DNAH6: variants seen among roughly 807,000 people sequenced by gnomAD.
The protein encoded by DNAH6 is axonemal beta dynein heavy chain 6.
DNAH6 carries 340 observed loss-of-function variants against 491.4 expected under a neutral mutation model. The ratio of observed to expected loss-of-function variants is 0.69; its 90% CI spans 0.63 to 0.76. The LOEUF is 0.76. Among genes scored for constraint, DNAH6 ranks in the 30% least tolerant of loss-of-function variants. The probability of loss-of-function intolerance (pLI) is 0.00; values close to 1 mark genes in which losing one functional copy is unlikely to be tolerated. For synonymous variants in DNAH6, 1,603 were observed against 1,686.1 expected (o/e 0.95, Z 1.21); for missense variants, 4,443 against 4,972.2 (o/e 0.89, Z 3.20).
At chr2:84,792,693 C>T (rs188537324) in intron 68 of DNAH6, among the ~76,000 whole-genome samples, 1 of 152,258 alleles carries the variant, frequency 6.6e-6, no homozygotes, top group East Asian at 1.9e-4. Flanking sequence ...GGGGGCATAT[C>T]CTGAAAGGCC....
At chr2:84,599,233 T>C (rs111302552) in intron 18 of DNAH6, among the ~76,000 whole-genome samples, 4,705 of 44,754 alleles carry the variant, frequency 0.11, 74 homozygotes, top group East Asian at 0.37. Flanking sequence ...AAAAGTTTTT[T>C]TTCAGATATG....
intron 10 of DNAH6, among the ~76,000 whole-genome samples, chr2:84,553,926 C>T (rs932553635): frequency 5.3e-5 from 8 of 152,176 alleles, no homozygotes; most frequent in Admixed American, 5.2e-4. Flanking sequence ...AGGAGCTTCA[C>T]TGGCTACTCA....
intron 33 of DNAH6, among the ~76,000 whole-genome samples, chr2:84,651,430 T>C (rs970582970): frequency 2.0e-5 from 3 of 152,220 alleles, no homozygotes; most frequent in Non-Finnish European, 4.4e-5. Flanking sequence ...GGCTCCGCAC[T>C]CAGTGTCTGC....
At chr2:84,707,998 C>G (rs903674120) in intron 54 of DNAH6, among the ~76,000 whole-genome samples, 2 of 152,130 alleles carry the variant, frequency 1.3e-5, no homozygotes, top group African/African-American at 4.8e-5. Context: ...ACAGTGAGTC[C>G]CCTACCCTTA....
intron 59 of DNAH6, among the ~76,000 whole-genome samples, chr2:84,721,262 T>C (rs1279009854): frequency 6.6e-6 from 1 of 152,214 alleles, no homozygotes; most frequent in Non-Finnish European, 1.5e-5. Context: ...TATCAACTTT[T>C]TTTTTCTACT....
intron 68 of DNAH6, among the ~76,000 whole-genome samples, chr2:84,787,519 A>G (rs1387812479): frequency 6.9e-6 from 1 of 144,088 alleles, no homozygotes; most frequent in Non-Finnish European, 1.5e-5. Context: ...TGCTTTCTCA[A>G]TAATAATAAT....
Position 84,594,092 on chromosome 2 carries a change from GA to G in DNAH6, c.2724+13del. ...CCAACAAGAATGGTTAAAGGTAGGG[GA>G]AAAAAGCCTTCAGTTCTCAAATTAT... On this transcript the variant is annotated splice_region_variant and intron_variant, in intron 17 of 76. Transcript: ENST00000389394. 4.2e-6 allele frequency: 6 copies of G among 1,412,678 alleles called. No individual in the cohort carries two copies. The highest frequency in any genetic ancestry group is 5.8e-6 in the Non-Finnish European group (6 of 1,032,626). 87.5% of individuals were successfully genotyped at this position (1,412,678 alleles called of 1,614,324 possible). A position where few individuals can be genotyped will look rare whatever the true frequency, so the allele number is the denominator to read the frequency against.
At chr2:84,789,862 G>C (rs1036576418) in intron 68 of DNAH6, among the ~76,000 whole-genome samples, 1 of 151,956 alleles carries the variant, frequency 6.6e-6, no homozygotes, top group African/African-American at 2.4e-5. Context: ...TGACTTCTGT[G>C]CTTCCTAATA....
At chr2:84,561,134 T>G (rs1392376989) in intron 11 of DNAH6, among the ~76,000 whole-genome samples, 1 of 152,084 alleles carries the variant, frequency 6.6e-6, no homozygotes, top group Non-Finnish European at 1.5e-5. Context: ...GTTTCCTGAC[T>G]TTTTTAATGA....
rs373362353 is a variant in DNAH6, at chr2:84,580,988, G to T, written c.2229+1309G>T. Among the ~76,000 whole-genome samples the T allele has an allele frequency of 1.1e-4, 17 of 152,260 alleles. No homozygotes were observed. The South Asian group carries it at 2.1e-3, about 19-fold the overall frequency. On this transcript the variant is annotated intron_variant, in intron 14 of 76. Transcript: ENST00000389394. ...TCTCCCTCTGCAGACAGCTACTTCT[G>T]CTTCTTCTTACCACAGCAGCAAACA... is the stretch of plus-strand genomic sequence containing the variant.
intron 64 of DNAH6, among the ~76,000 whole-genome samples, chr2:84,769,015 C>T (rs1422550863): frequency 1.3e-5 from 2 of 152,218 alleles, no homozygotes; most frequent in African/African-American, 4.8e-5. Context: ...AGGTGCAAAA[C>T]TCTACTTGTT....
At chr2:84,581,927 T>C (rs1430192131) in intron 14 of DNAH6, among the ~76,000 whole-genome samples, 1 of 152,160 alleles carries the variant, frequency 6.6e-6, no homozygotes, top group African/African-American at 2.4e-5. Flanking sequence ...GGCTACATAA[T>C]TCATTGTCCG....
intron 16 of DNAH6, among the ~76,000 whole-genome samples, chr2:84,592,253 A>AAAAAAAC (rs1684186752): frequency 6.6e-6 from 1 of 152,152 alleles, no homozygotes; most frequent in Admixed American, 6.5e-5. Context: ...CAATAGCCAA[A>AAAAAAAC]AAAAAAACCC....
At chr2:84,487,216 C>T in the DNAH6 span, among the ~76,000 whole-genome samples, 26 of 152,222 alleles carry the variant, frequency 1.7e-4, 1 homozygote, top group Admixed American at 5.2e-4. Flanking sequence ...TTAAATTTCT[C>T]ATCTGCCAAG....
At position 84,791,162 on chromosome 2, in the gene DNAH6, C is replaced by T. The variant is rs1677697916; in HGVS notation, c.11239+3860C>T. Among the ~76,000 whole-genome samples, 3 of 150,634 alleles carry T rather than the reference C, an allele frequency of 2.0e-5. No homozygotes were observed. In the South Asian group the frequency reaches 6.3e-4, roughly 32 times the overall value. On this transcript the variant is annotated intron_variant, in intron 68 of 76. Coordinates refer to ENST00000389394, the MANE Select transcript of DNAH6 (RefSeq NM_001370.2). ...CCGAGATCACGCCACTGCACTCCAG[C>T]CTGGGCGAGAGAGTAAAACTCCATC...
Position 84,697,635 on chromosome 2 carries a change from A to G in DNAH6, c.7585A>G (p.Asn2529Asp). The G allele has an allele frequency of 1.3e-6, 2 of 1,552,020 alleles. No homozygotes were observed. Among genetic ancestry groups the G allele is most frequent in the Non-Finnish European group, 1.7e-6 (2 of 1,147,008 alleles). The stretch of plus-strand genomic sequence containing the variant: ...CATCCTGAACTCAGGTGAAGTGCCT[A>G]ATTTATTTGAAAAGGATGAACTGGA... ...NNILNSGEVP[N>D]LFEKDELEQV... The change falls in exon 47 of 77, where the codon AAT becomes GAT. Residue 2529 changes from asparagine (N) to aspartate (D), a missense_variant. Asn to Asp is a conservative substitution (Grantham distance 23). This residue lies in a region of DNAH6 where 2,977 missense variants were observed against 3,296.6 expected (regional missense o/e 0.90). Transcript: ENST00000389394.
intron 37 of DNAH6, among the ~76,000 whole-genome samples, chr2:84,666,131 C>T (rs1411169301): frequency 6.6e-6 from 1 of 152,046 alleles, no homozygotes; most frequent in Non-Finnish European, 1.5e-5. Flanking sequence ...TATGACAAAC[C>T]CACAGCCAAT....
the DNAH6 span, among the ~76,000 whole-genome samples, chr2:84,478,197 A>G: frequency 6.6e-6 from 1 of 152,148 alleles, no homozygotes; most frequent in South Asian, 2.1e-4. Flanking sequence ...ACTTCCTCCT[A>G]GGAGAACTAT....
intron 52 of DNAH6, among the ~76,000 whole-genome samples, chr2:84,706,311 T>G (rs1291046649): frequency 1.3e-5 from 2 of 152,240 alleles, no homozygotes; most frequent in Non-Finnish European, 2.9e-5. Flanking sequence ...ACAGAAACAG[T>G]CATTGACAAT....
Sources: gnomAD v4.1 joint callset for allele counts (sites outside exome capture counted in the v4.1 genomes callset) on GRCh38, gnomAD v4.1.1 for gene constraint, gnomAD v4.1.1 regional missense constraint, MANE v1.5 for transcripts, NCBI Gene and HGNC (gene_info 2026-07-23, HGNC 2026-07-21) for gene names.